The following CHD5 variants were observed in gnomAD, a reference collection of about 807,000 sequenced individuals.
CHD5 encodes the protein ATP-dependent chromatin remodeler CHD5.
Under a neutral mutation model 230.3 loss-of-function variants are expected in CHD5, and 69 were observed. The ratio of observed to expected loss-of-function variants is 0.30; its 90% CI spans 0.25 to 0.37. The LOEUF (loss-of-function observed/expected upper bound fraction) is 0.37, where lower values mean the gene tolerates loss of function less well. CHD5 is among the 10% of genes least tolerant of loss of function. CHD5 has a pLI of 1.00. For synonymous variants in CHD5, 1,064 were observed against 1,065.9 expected (o/e 1.00, Z 0.03); for missense variants, 1,827 against 2,622.8 (o/e 0.70, Z 6.63).
At position 6,125,502 on chromosome 1, in the gene CHD5, T is replaced by C; in HGVS notation, c.4260+22A>G. ...AGCAGGAAGCAGGGGCAGAAAGAGA[T>C]GCGGGAACAGACAGGCCCCACCTCG... On this transcript the variant is annotated intron_variant, in intron 28 of 41. Coordinates refer to ENST00000262450, the MANE Select transcript of CHD5 (RefSeq NM_015557.3). The surrounding 1 kb of genome is among the most constrained non-coding windows in gnomAD (Gnocchi z 6.7). 1 of 1,559,186 alleles carries C rather than the reference T, an allele frequency of 6.4e-7. No homozygotes were observed. The highest frequency in any genetic ancestry group is 8.7e-7 in the Non-Finnish European group (1 of 1,150,122).
chr1:6,106,323 G>C, intron 40 of CHD5, 36 bp from the exon 41 acceptor site: 1 of 1,612,716 alleles, frequency 6.2e-7, no homozygotes, highest in South Asian at 1.1e-5. Context: ...CTTGCCTGAC[G>C]TTGGCAGCAG....
chr1:6,171,914 C>T (rs942442555), intron 1 of CHD5, among the ~76,000 whole-genome samples: 7 of 152,266 alleles, frequency 4.6e-5, no homozygotes, highest in Non-Finnish European at 1.0e-4. Flanking sequence ...ATGCACCAGC[C>T]CTAACCCTCC....
At chr1:6,168,034 C>T (rs1156769762) in intron 2 of CHD5, 116 bp downstream of exon 2, 10 of 1,261,350 alleles carry the variant, frequency 7.9e-6, no homozygotes, top group East Asian at 2.4e-5. Flanking sequence ...TCAAACTCAG[C>T]TCTCAGAAAC....
chr1:6,165,926 G>A (rs759787797), intron 2 of CHD5, among the ~76,000 whole-genome samples: 5 of 152,012 alleles, frequency 3.3e-5, no homozygotes, highest in Non-Finnish European at 5.9e-5. Flanking sequence ...TGCAAGAGCC[G>A]CAGAGTGCAG....
intron 2 of CHD5, among the ~76,000 whole-genome samples, chr1:6,162,946 C>T (rs542179877): frequency 4.9e-4 from 75 of 152,214 alleles, no homozygotes; most frequent in African/African-American, 1.7e-3. Context: ...CCAGGAGTGG[C>T]GGCCCAGGGA....
chr1:6,152,314 T>A (rs531796620), intron 6 of CHD5, 98 bp downstream of exon 6: 6 of 1,402,222 alleles, frequency 4.3e-6, no homozygotes, highest in Admixed American at 2.0e-5. Flanking sequence ...CCAGCTAGTT[T>A]GTAATGAACT....
intron 2 of CHD5, among the ~76,000 whole-genome samples, chr1:6,162,874 T>A (rs1667199538): frequency 6.6e-6 from 1 of 152,054 alleles, no homozygotes; most frequent in Non-Finnish European, 1.5e-5. Context: ...TGTGGCAACA[T>A]CTACGGGGAG....
chr1:6,107,748 G>A (rs1314966336), intron 38 of CHD5, among the ~76,000 whole-genome samples: 1 of 137,802 alleles, frequency 7.3e-6, no homozygotes, highest in African/African-American at 2.7e-5. Context: ...GATGGATGAT[G>A]GAGAGATGGA....
chr1:6,102,055 GC>G lies in CHD5; in HGVS notation c.*3418del. On this transcript the variant is annotated 3_prime_UTR_variant, in exon 42 of 42. Transcript: ENST00000262450. ...GGGCTGTGCCTGGGGAAAGGGGTCGGCCCCCTCTTAGCTGGGCCTGGGCCGG... is the reference window on the plus strand; with the variant it reads ...GGGCTGTGCCTGGGGAAAGGGGTCGGCCCCTCTTAGCTGGGCCTGGGCCGG... 2 of 396,668 alleles carry G rather than the reference GC, an allele frequency of 5.0e-6. No individual in the cohort carries two copies. The highest frequency in any genetic ancestry group is 5.0e-6 in the Non-Finnish European group (1 of 198,664). 24.6% of individuals were successfully genotyped at this position (396,668 alleles called of 1,614,324 possible). A position where few individuals can be genotyped will look rare whatever the true frequency, so the allele number is the denominator to read the frequency against.
chr1:6,134,216 A>G lies in CHD5; in HGVS notation c.3056T>C (p.Leu1019Pro). ...CATGAGCTTCCCTGAAGACTTGACCAGGGAGCTTCCATCGTAGGAGCCATT... is the reference window on the plus strand; with the variant it reads ...CATGAGCTTCCCTGAAGACTTGACCGGGGAGCTTCCATCGTAGGAGCCATT... ...LPNGSYDGSS[L>P]VKSSGKLMLL... The change falls in exon 20 of 42, where the codon CTG (leucine) becomes CCG (proline). Residue 1019 changes from leucine (L) to proline (P), a missense_variant. This residue lies in a region of CHD5 where 38 missense variants were observed against 49.5 expected (regional missense o/e 0.77). Transcript: ENST00000262450. The surrounding 1 kb of genome is among the most constrained non-coding windows in gnomAD (Gnocchi z 6.3). 2 of 1,613,884 alleles carry G rather than the reference A, an allele frequency of 1.2e-6. No homozygotes were observed. The highest frequency in any genetic ancestry group is 1.7e-6 in the Non-Finnish European group (2 of 1,180,000).
chr1:6,108,014 C>T (rs1187227959), intron 38 of CHD5, among the ~76,000 whole-genome samples: 4 of 56,856 alleles, frequency 7.0e-5, no homozygotes, highest in Admixed American at 2.3e-4. Flanking sequence ...GATGAAGGGA[C>T]GGTGGAGGGA....
intron 12 of CHD5, 38 bp from the exon 13 acceptor site, chr1:6,143,969 G>T: frequency 6.2e-7 from 1 of 1,614,128 alleles, no homozygotes; most frequent in South Asian, 1.1e-5. Context: ...GCAAGGCTCA[G>T]CCCAGGAGCA....
In CHD5 at chr1:6,149,428, G is replaced by A. The variant is rs752760225; in HGVS notation, c.995-16C>T. On this transcript the variant is annotated splice_polypyrimidine_tract_variant and intron_variant, in intron 7 of 41. Transcript: ENST00000262450. Reference sequence around the variant, plus strand: ...CCATCATCAACTAGGGTAGGGGAGAGGCAGTCATGGAAGTCCTCATCCACA... The same window carrying A: ...CCATCATCAACTAGGGTAGGGGAGAAGCAGTCATGGAAGTCCTCATCCACA... 3.1e-6 allele frequency: 5 copies of A among 1,591,436 alleles called. No homozygotes were observed. The African/African-American group carries it at 5.4e-5, about 17-fold the overall frequency.
chr1:6,163,620 G>A (rs1159546349), intron 2 of CHD5, among the ~76,000 whole-genome samples: 2 of 152,198 alleles, frequency 1.3e-5, no homozygotes, highest in Admixed American at 6.5e-5. Flanking sequence ...CTGGAGGGAC[G>A]GAGCATCATC....
chr1:6,163,128 G>A (rs185383177), intron 2 of CHD5, among the ~76,000 whole-genome samples: 73 of 152,340 alleles, frequency 4.8e-4, no homozygotes, highest in African/African-American at 1.7e-3. Context: ...CAGAGCAGGA[G>A]GGCACAGACC....
chr1:6,134,655 G>A lies in CHD5; in HGVS notation c.3012+63C>T, dbSNP rs1055013502. 19 of 1,526,780 alleles carry A rather than the reference G, an allele frequency of 1.2e-5. No individual in the cohort carries two copies. Among genetic ancestry groups the A allele is most frequent in the Non-Finnish European group, 1.6e-5 (18 of 1,127,380 alleles). The allele number at this position is 1,526,780 out of a possible 1,614,324, so 94.6% of individuals were successfully genotyped here. On this transcript the variant is annotated intron_variant, in intron 19 of 41. Transcript: ENST00000262450. The surrounding 1 kb of genome is among the most constrained non-coding windows in gnomAD (Gnocchi z 6.3). Reference sequence around the variant, plus strand: ...ACAGCGGCCACAGGGACCTACCATGGCGGCCACAGGCACCTACCATGGCGG... The same window carrying A: ...ACAGCGGCCACAGGGACCTACCATGACGGCCACAGGCACCTACCATGGCGG...
Position 6,142,344 on chromosome 1 carries a change from G to T in CHD5, c.2236-16C>A. The T allele has an allele frequency of 6.3e-7, 1 of 1,597,558 alleles. No individual in the cohort carries two copies. Among genetic ancestry groups the T allele is most frequent in the Non-Finnish European group, 8.6e-7 (1 of 1,167,326 alleles). On this transcript the variant is annotated splice_polypyrimidine_tract_variant and intron_variant, in intron 14 of 41. Coordinates refer to ENST00000262450, the MANE Select transcript of CHD5 (RefSeq NM_015557.3). The surrounding 1 kb of genome is among the most constrained non-coding windows in gnomAD (Gnocchi z 5.2). ...TGGAGTGGCCCTGGAGAGAGAGGCC[G>T]ATGCCGTGAGACCACCTGCCCTTGG...
intron 9 of CHD5, among the ~76,000 whole-genome samples, chr1:6,147,229 T>C (rs1666926017): frequency 6.6e-6 from 1 of 152,128 alleles, no homozygotes; most frequent in South Asian, 2.1e-4. Context: ...GAACATGAGA[T>C]TCTGGACTTC....
chr1:6,128,759 G>T lies in CHD5; in HGVS notation c.3619+79C>A. The T allele has an allele frequency of 6.7e-6, 9 of 1,352,048 alleles. No homozygotes were observed. The highest frequency in any genetic ancestry group is 8.3e-6 in the Non-Finnish European group (8 of 958,366). 83.8% of individuals were successfully genotyped at this position (1,352,048 alleles called of 1,614,324 possible). ...GAGGCTGTGTGTTGGAGCGGGCAGG[G>T]ACCCAAGCAAGCCCTGGATGGGTGT... On this transcript the variant is annotated intron_variant, in intron 23 of 41. Transcript: ENST00000262450. This position sits in a 1 kb window ranked among gnomAD's most constrained non-coding sequence, Gnocchi z 7.8.
Sources: allele counts gnomAD v4.1 joint callset (sites outside exome capture counted in the v4.1 genomes callset), GRCh38; gene constraint gnomAD v4.1.1; regional missense constraint gnomAD v4.1.1; non-coding constraint Gnocchi (gnomAD v3.1); transcripts MANE v1.5; gene names NCBI Gene and HGNC (gene_info 2026-07-23, HGNC 2026-07-21).